CRB2: variants seen among roughly 807,000 people sequenced by gnomAD.
CRB2 encodes the protein crumbs cell polarity complex component 2, also known as protein crumbs homolog 2.
In CRB2, 85 loss-of-function variants were observed where a neutral mutation model predicts 110.9. The observed-to-expected ratio is 0.77, with a 90% CI of 0.64 to 0.92. CRB2 has a LOEUF of 0.92. CRB2 is among the 40% of genes least tolerant of loss of function. CRB2 has a pLI of 0.00. For synonymous variants in CRB2, 907 were observed against 831.0 expected, an observed-to-expected ratio of 1.09 and a Z score of -1.57; for missense variants, 1,843 against 1,851.3, an observed-to-expected ratio of 1.00 and a Z score of 0.08.
At chr9:123,356,438 G>T in intron 1 of CRB2, 84 bp downstream of exon 1, 1 of 1,159,400 alleles carries the variant, frequency 8.6e-7, no homozygotes, top group Non-Finnish European at 1.2e-6. Context: ...TGCTGGGGTG[G>T]TGGGTGGGCT....
intron 9 of CRB2, 38 bp from the exon 10 acceptor site, chr9:123,373,096 C>T: frequency 1.4e-6 from 2 of 1,435,264 alleles, no homozygotes; most frequent in Non-Finnish European, 1.8e-6. Context: ...CTGGAGAAGG[C>T]TCCGTGGGCT....
intron 5 of CRB2, 64 bp downstream of exon 5, chr9:123,367,421 A>ACCCCCCCAT: frequency 1.7e-6 from 1 of 600,978 alleles, no homozygotes; most frequent in East Asian, 5.9e-5. Context: ...TCTTGTGCCC[A>ACCCCCCCAT]CCCCCCCACC....
intron 2 of CRB2, among the ~76,000 whole-genome samples, 160 bp from the exon 3 acceptor site, chr9:123,365,757 C>T (rs1349605276): frequency 6.6e-6 from 1 of 152,212 alleles, no homozygotes; most frequent in African/African-American, 2.4e-5. Context: ...CCTGCGGTTG[C>T]TGGCATGACC....
chr9:123,359,619 G>A (rs972839706), intron 1 of CRB2, among the ~76,000 whole-genome samples: 1 of 151,338 alleles, frequency 6.6e-6, no homozygotes, highest in South Asian at 2.1e-4. Context: ...GGCTTATTTC[G>A]TTTTGTTTTC....
intron 5 of CRB2, 60 bp downstream of exon 5, chr9:123,367,417 G>GGCCACCCCC: frequency 7.9e-7 from 1 of 1,269,296 alleles, no homozygotes; most frequent in Non-Finnish European, 1.0e-6. Context: ...GGGATCTTGT[G>GGCCACCCCC]CCCACCCCCC....
chr9:123,367,611 C>G lies in CRB2; in HGVS notation c.979C>G (p.Arg327Gly), dbSNP rs545270434. ...CGVEVDECAS[R>G]PCLNGGHCQD... Reference sequence around the variant, plus strand: ...TGTGGAGGTGGACGAGTGTGCCTCACGGCCATGCCTCAACGGAGGCCACTG... The same window carrying G: ...TGTGGAGGTGGACGAGTGTGCCTCAGGGCCATGCCTCAACGGAGGCCACTG... The change falls in exon 6 of 13, where the codon CGG (arginine) becomes GGG (glycine). Residue 327 changes from arginine to glycine, a missense_variant. Coordinates refer to ENST00000373631, the MANE Select transcript of CRB2 (RefSeq NM_173689.7). 1 of 1,567,048 alleles carries G rather than the reference C, an allele frequency of 6.4e-7. No homozygotes were observed. The highest frequency in any genetic ancestry group is 8.6e-7 in the Non-Finnish European group (1 of 1,156,734).
chr9:123,377,088 C>T lies in CRB2; in HGVS notation c.*26C>T. On this transcript the variant is annotated 3_prime_UTR_variant, in exon 13 of 13. Transcript: ENST00000373631. The stretch of plus-strand genomic sequence containing the variant: ...GCCAGCCTGGCTGCTGGCACCAGCA[C>T]CTGGAGGTCCTGAATGGTTTCTACC... 6.7e-7 allele frequency: 1 copy of T among 1,502,118 alleles called. No homozygotes were observed. The highest frequency in any genetic ancestry group is 8.9e-7 in the Non-Finnish European group (1 of 1,121,740). 93.0% of individuals were successfully genotyped at this position (1,502,118 alleles called of 1,614,324 possible).
intron 4 of CRB2, 136 bp from the exon 5 acceptor site, chr9:123,367,036 T>G: frequency 1.2e-6 from 1 of 821,222 alleles, no homozygotes; most frequent in Non-Finnish European, 1.9e-6. Context: ...CTGCGGCCCT[T>G]AGTGTGTCCC....
intron 2 of CRB2, among the ~76,000 whole-genome samples, 174 bp downstream of exon 2, chr9:123,363,362 T>G (rs541105017): frequency 2.0e-5 from 3 of 152,312 alleles, no homozygotes; most frequent in Non-Finnish European, 4.4e-5. Flanking sequence ...CTGGCAGCTC[T>G]GGGTGAGAGT....
In CRB2 at chr9:123,376,912, C is replaced by T; in HGVS notation, c.3708C>T (p.Leu1236=). 3 of 1,609,062 alleles carry T rather than the reference C, an allele frequency of 1.9e-6. No homozygotes were observed. Among genetic ancestry groups the T allele is most frequent in the East Asian group, 2.2e-5 (1 of 44,788 alleles). ...AVPAACACLL[L]LLLGLLSGIL... is the part of the protein sequence containing the mutation. Reference sequence around the variant, plus strand: ...CTGCAGCCTGTGCCTGCCTCCTCCTCCTCCTCCTGGGCCTCCTTTCAGGGA... The same window carrying T: ...CTGCAGCCTGTGCCTGCCTCCTCCTTCTCCTCCTGGGCCTCCTTTCAGGGA... Residue 1236 remains leucine (L), a synonymous_variant, in exon 13 of 13, where the codon CTC becomes CTT. Transcript: ENST00000373631.
intron 2 of CRB2, 88 bp from the exon 3 acceptor site, chr9:123,365,827 GTC>G (rs2132754636): frequency 1.7e-6 from 2 of 1,171,850 alleles, no homozygotes; most frequent in African/African-American, 1.6e-5. Flanking sequence ...GAATCCACGA[GTC>G]TCTAACTCTG....
upstream of CRB2, among the ~76,000 whole-genome samples, chr9:123,355,809 G>A (rs369535939): frequency 6.6e-6 from 1 of 151,206 alleles, no homozygotes; most frequent in African/African-American, 2.4e-5. Flanking sequence ...GAAGGCCTGG[G>A]CTTGGGAGAG....
At chr9:123,375,179 T>TG in intron 11 of CRB2, 38 bp from the exon 12 acceptor site, 1 of 1,610,264 alleles carries the variant, frequency 6.2e-7, no homozygotes, top group African/African-American at 1.3e-5. Context: ...GAGGCAGCCA[T>TG]GGGGGAAGCC....
intron 1 of CRB2, among the ~76,000 whole-genome samples, chr9:123,360,261 G>A (rs1425196006): frequency 6.6e-6 from 1 of 152,158 alleles, no homozygotes; most frequent in African/African-American, 2.4e-5. Context: ...CCCTCCCCAG[G>A]ACAGGGCAGC....
rs144365725 is a variant in CRB2 at position 123,370,882 on chromosome 9, G to T, written c.1829G>T (p.Arg610Leu). Residue 610 changes from arginine to leucine, a missense_variant, in exon 7 of 13, where the codon CGG becomes CTG. By Grantham distance (102) the Arg-to-Leu change is moderately radical. Transcript: ENST00000373631. ...LLGCERREQC[R>L]PLPCVHGGSC... ...GGCTGTGAGCGCCGAGAGCAGTGCC[G>T]GCCTCTGCCTTGTGTCCACGGAGGG... 307 of 1,612,048 alleles carry T rather than the reference G, an allele frequency of 1.9e-4. 2 individuals are homozygous for T. In the Middle Eastern group the frequency reaches 7.3e-3, roughly 38 times the overall value.
chr9:123,356,483 C>T, intron 1 of CRB2, 129 bp downstream of exon 1: 1 of 574,676 alleles, frequency 1.7e-6, no homozygotes, highest in South Asian at 3.8e-5. Flanking sequence ...CTGTGGGGTG[C>T]ACAGGAGTGC....
intron 6 of CRB2, among the ~76,000 whole-genome samples, chr9:123,368,345 C>T (rs972210570): frequency 6.6e-6 from 1 of 151,916 alleles, no homozygotes; most frequent in Non-Finnish European, 1.5e-5. Flanking sequence ...ACTCAGTGTC[C>T]CCCAGCCCTG....
chr9:123,371,973 GGTGA>G (rs2042023579), intron 8 of CRB2, among the ~76,000 whole-genome samples, 200 bp from the exon 9 acceptor site: 2 of 152,160 alleles, frequency 1.3e-5, no homozygotes, highest in African/African-American at 2.4e-5. Context: ...TTACTGGCTG[GGTGA>G]CTCAGGCAAG....
intron 2 of CRB2, among the ~76,000 whole-genome samples, 170 bp downstream of exon 2, chr9:123,363,358 G>A (rs577040471): frequency 1.3e-5 from 2 of 152,342 alleles, no homozygotes; most frequent in East Asian, 3.9e-4. Context: ...ATGCCTGGCA[G>A]CTCTGGGTGA....
Sources: allele counts gnomAD v4.1 joint callset (sites outside exome capture counted in the v4.1 genomes callset), GRCh38; gene constraint gnomAD v4.1.1; transcripts MANE v1.5; gene names NCBI Gene and HGNC (gene_info 2026-07-23, HGNC 2026-07-21).